Variants in RBFOX1 observed in about 807,000 individuals in gnomAD.
The protein encoded by RBFOX1 is RNA binding protein fox-1 homolog 1.
A neutral mutation model predicts 57.7 loss-of-function variants in RBFOX1; 8 were observed. The observed-to-expected ratio is 0.14, with a 90% confidence interval of 0.08 to 0.25. The LOEUF (loss-of-function observed/expected upper bound fraction) is 0.25. Ranked by LOEUF, RBFOX1 falls within the 10% of genes least tolerant of loss-of-function variation. The probability of loss-of-function intolerance (pLI) is 1.00; values close to 1 mark genes in which losing one functional copy is unlikely to be tolerated. For synonymous variants in RBFOX1, 326 were observed against 222.4 expected (o/e 1.47, Z -4.15); for missense variants, 611 against 548.5 (o/e 1.11, Z -1.14).
intron 5 of RBFOX1, among the ~76,000 whole-genome samples, chr16:7,526,707 A>G (rs1473730086): frequency 6.6e-6 from 1 of 152,232 alleles, no homozygotes; most frequent in Non-Finnish European, 1.5e-5. Context: ...ACTTTTGCTC[A>G]TTGACTGTCA....
At chr16:6,654,269 A>C (rs1477371371) in intron 2 of RBFOX1, among the ~76,000 whole-genome samples, 1 of 152,218 alleles carries the variant, frequency 6.6e-6, no homozygotes, top group Non-Finnish European at 1.5e-5. Flanking sequence ...TATTAAAGGC[A>C]GTCTCTGCTG....
At chr16:7,249,598 C>T (rs1188445879) in intron 4 of RBFOX1, among the ~76,000 whole-genome samples, 10 of 132,440 alleles carry the variant, frequency 7.6e-5, no homozygotes, top group Non-Finnish European at 1.6e-4. Flanking sequence ...AGGCTTCTTT[C>T]TTTAAAAAAA....
At chr16:7,182,280 G>A (rs2082873169) in intron 4 of RBFOX1, among the ~76,000 whole-genome samples, 1 of 152,058 alleles carries the variant, frequency 6.6e-6, no homozygotes, top group African/African-American at 2.4e-5. Context: ...CCTCTATAGG[G>A]ATGTGAGGTT....
At chr16:7,154,556 C>T (rs2076710172) in intron 4 of RBFOX1, among the ~76,000 whole-genome samples, 2 of 152,236 alleles carry the variant, frequency 1.3e-5, no homozygotes, top group East Asian at 1.9e-4. Flanking sequence ...GATAGTCTTC[C>T]TCTTGTTAAA....
At chr16:7,162,505 A>G (rs536460168) in intron 4 of RBFOX1, among the ~76,000 whole-genome samples, 2 of 151,248 alleles carry the variant, frequency 1.3e-5, no homozygotes, top group East Asian at 3.9e-4. Context: ...TGAGGGGGAT[A>G]GATCACCTGA....
chr16:6,170,965 C>T (rs908498397), intron 1 of RBFOX1, among the ~76,000 whole-genome samples: 2 of 152,018 alleles, frequency 1.3e-5, no homozygotes, highest in Non-Finnish European at 2.9e-5. Flanking sequence ...ATATATGTAC[C>T]ACATTTTCTG....
chr16:5,459,131 C>T (rs1206327474), intron 1 of RBFOX1, among the ~76,000 whole-genome samples: 1 of 152,202 alleles, frequency 6.6e-6, no homozygotes, highest in African/African-American at 2.4e-5. Flanking sequence ...TGGTGAACCT[C>T]CCCTTTTCTT....
At chr16:6,277,119 C>A (rs981831578) in intron 1 of RBFOX1, among the ~76,000 whole-genome samples, 16 of 152,058 alleles carry the variant, frequency 1.1e-4, no homozygotes, top group Non-Finnish European at 2.4e-4. Context: ...GCCGGAGGTT[C>A]AGAAAATAAT....
chr16:5,764,265 A>G (rs976445238), intron 3 of RBFOX1, among the ~76,000 whole-genome samples: 1 of 152,200 alleles, frequency 6.6e-6, no homozygotes, highest in Non-Finnish European at 1.5e-5. Flanking sequence ...TAGTCCTGGA[A>G]TACCAGGAAT....
chr16:6,463,160 G>A (rs1359738361), intron 2 of RBFOX1, among the ~76,000 whole-genome samples: 7 of 152,150 alleles, frequency 4.6e-5, no homozygotes, highest in Non-Finnish European at 8.8e-5. Flanking sequence ...ATCTTTAGGT[G>A]TTTAAATTTA....
chr16:5,402,205 C>G (rs546297689), intron 1 of RBFOX1, among the ~76,000 whole-genome samples: 1 of 152,088 alleles, frequency 6.6e-6, no homozygotes, highest in Non-Finnish European at 1.5e-5. Flanking sequence ...GGTCACTTGG[C>G]TAAGACACCC....
chr16:7,500,640 A>C (rs143841648), intron 4 of RBFOX1, among the ~76,000 whole-genome samples: 227 of 152,340 alleles, frequency 1.5e-3, no homozygotes, highest in East Asian at 6.7e-3. Context: ...TGGGCATTTC[A>C]CTGAGTTACC....
At chr16:7,534,086 C>CTTTTTTT (rs529708813) in intron 5 of RBFOX1, among the ~76,000 whole-genome samples, 8 of 129,922 alleles carry the variant, frequency 6.2e-5, no homozygotes, top group East Asian at 4.4e-4. Flanking sequence ...CGTTTTTTTT[C>CTTTTTTT]TTTTTTTTTT....
intron 1 of RBFOX1, among the ~76,000 whole-genome samples, chr16:6,193,344 C>CATATATATACATTATATATATATAT (rs2097153932): frequency 1.5e-5 from 1 of 66,720 alleles, no homozygotes; most frequent in African/African-American, 4.3e-5. Flanking sequence ...ATATTCTTTA[C>CATATATATACATTATATATATATAT]ATATATATAC....
chr16:5,553,689 A>T (rs2045557789), intron 2 of RBFOX1, among the ~76,000 whole-genome samples: 2 of 62,238 alleles, frequency 3.2e-5, no homozygotes, highest in Admixed American at 2.0e-4. Flanking sequence ...GTGTATATAC[A>T]CATATATATG....
intron 3 of RBFOX1, among the ~76,000 whole-genome samples, chr16:5,654,776 C>T (rs2049370201): frequency 6.6e-6 from 1 of 151,618 alleles, no homozygotes. Flanking sequence ...CTCCTTCCTC[C>T]TTCTTCCTTC....
rs188380621 is a variant in RBFOX1 at position 6,844,300 on chromosome 16, C to A, written c.-16+189650C>A. Among the ~76,000 whole-genome samples the A allele has an allele frequency of 4.6e-5, 7 of 152,200 alleles. No homozygotes were observed. The East Asian group carries it at 1.4e-3, about 29-fold the overall frequency. The stretch of plus-strand genomic sequence containing the variant: ...GTTTGCTGCACAGGTCATCCCATCA[C>A]CTAGGTATTAAATCTGGTGTTCATT... On this transcript the variant is annotated intron_variant, in intron 3 of 15. Coordinates refer to ENST00000550418, the MANE Select transcript of RBFOX1 (RefSeq NM_018723.4).
rs568504207 is a variant in RBFOX1, at chr16:6,498,261, A to C, written c.-63-156342A>C. On this transcript the variant is annotated intron_variant, in intron 2 of 15. Coordinates refer to ENST00000550418, the MANE Select transcript of RBFOX1 (RefSeq NM_018723.4). ...AGAGGAACTCCGTCTCAAAACAAAA[A>C]AAAAAAAAAGGATGACAATTCCAGA... 1.2e-3 allele frequency among the ~76,000 whole-genome samples: 178 copies of C among 152,100 alleles called. 3 individuals are homozygous for C. The highest frequency in any genetic ancestry group is 2.7e-3 in the Admixed American group (41 of 15,262).
intron 2 of RBFOX1, among the ~76,000 whole-genome samples, chr16:6,416,489 T>G (rs968185040): frequency 3.3e-5 from 5 of 152,250 alleles, no homozygotes; most frequent in Admixed American, 6.5e-5. Context: ...GTTCTTTTTT[T>G]CGTTCCATTT....
Sources: gnomAD v4.1 joint callset for allele counts (sites outside exome capture counted in the v4.1 genomes callset) on GRCh38, gnomAD v4.1.1 for gene constraint, MANE v1.5 for transcripts, NCBI Gene and HGNC (gene_info 2026-07-23, HGNC 2026-07-21) for gene names.